The following PPP1R18 variants were observed in gnomAD, a reference collection of about 807,000 sequenced individuals.
PPP1R18 encodes protein phosphatase 1 regulatory subunit 18, also known as phostensin.
PPP1R18 carries 31 observed loss-of-function variants against 54.8 expected under a neutral mutation model. The observed-to-expected ratio is 0.57, with a 90% CI of 0.43 to 0.76. The LOEUF (loss-of-function observed/expected upper bound fraction) is 0.76. PPP1R18 is among the 30% of genes least tolerant of loss of function. The probability of loss-of-function intolerance (pLI) is 0.00; values close to 1 mark genes in which losing one functional copy is unlikely to be tolerated. For missense variants in PPP1R18, 685 were observed against 776.1 expected (o/e 0.88, Z 1.39); for synonymous variants, 310 against 320.2 (o/e 0.97, Z 0.34).
In PPP1R18 at chr6:30,686,506, G is replaced by C. The variant is rs1460765111; in HGVS notation, c.-488C>G. On this transcript the variant is annotated 5_prime_UTR_variant, in exon 1 of 3. Transcript: ENST00000274853. The stretch of plus-strand genomic sequence containing the variant: ...TGGGAAGGAAGGACCAGGAATCCCT[G>C]AAAGGACCAGGAGGCAACGGGACCT... 1.2e-5 allele frequency: 2 copies of C among 161,980 alleles called. No individual in the cohort carries two copies. Among genetic ancestry groups the C allele is most frequent in the African/African-American group, 4.8e-5 (2 of 41,662 alleles). The allele number at this position is 161,980 out of a possible 1,614,324, so 10.0% of individuals were successfully genotyped here.
intron 2 of PPP1R18, 27 bp downstream of exon 2, chr6:30,679,152 C>T: frequency 1.3e-6 from 2 of 1,589,644 alleles, no homozygotes; most frequent in Non-Finnish European, 1.7e-6. Flanking sequence ...CAGGGGGCGC[C>T]CTCGGGCCGG....
intron 2 of PPP1R18, among the ~76,000 whole-genome samples, chr6:30,677,972 G>A (rs1164855164): frequency 3.3e-5 from 5 of 150,622 alleles, no homozygotes; most frequent in African/African-American, 7.3e-5. Context: ...GTGTAGTGGC[G>A]TCATCTCGGC....
At position 30,683,253 on chromosome 6, in the gene PPP1R18, G is replaced by C. The variant is rs1441490314; in HGVS notation, c.1611+1155C>G. On this transcript the variant is annotated intron_variant, in intron 1 of 2. Coordinates refer to ENST00000274853, the MANE Select transcript of PPP1R18 (RefSeq NM_133471.4). This position sits in a 1 kb window ranked among gnomAD's most constrained non-coding sequence, Gnocchi z 5.1. Reference sequence around the variant, plus strand: ...GGCTCTGGGGAGATGTGTGTGACTGGAGGGACTTCCTAAGTCTGAGATGTC... The same window carrying C: ...GGCTCTGGGGAGATGTGTGTGACTGCAGGGACTTCCTAAGTCTGAGATGTC... Among the ~76,000 whole-genome samples the C allele has an allele frequency of 6.6e-6, 1 of 152,224 alleles. No homozygotes were observed. Among genetic ancestry groups the C allele is most frequent in the African/African-American group, 2.4e-5 (1 of 41,460 alleles).
rs950784254 is a variant in PPP1R18, at chr6:30,676,904, C to T, written c.*365G>A. On this transcript the variant is annotated 3_prime_UTR_variant, in exon 3 of 3. Coordinates refer to ENST00000274853, the MANE Select transcript of PPP1R18 (RefSeq NM_133471.4). ...CCCAGAGAGACGAGTGCTTAAATCC[C>T]GAGAGTCCCCACGGGATGGTGGGGA... 4.3e-5 allele frequency: 17 copies of T among 395,702 alleles called. No individual in the cohort carries two copies. The highest frequency in any genetic ancestry group is 3.2e-4 in the East Asian group (5 of 15,448). 24.5% of individuals were successfully genotyped at this position (395,702 alleles called of 1,614,324 possible). A position where few individuals can be genotyped will look rare whatever the true frequency, so the allele number is the denominator to read the frequency against.
chr6:30,680,351 G>A (rs895717545), intron 1 of PPP1R18, among the ~76,000 whole-genome samples: 6 of 152,288 alleles, frequency 3.9e-5, no homozygotes, highest in African/African-American at 1.4e-4. Flanking sequence ...AGGGATTAGG[G>A]AGACAGCAGG....
chr6:30,685,006 G>T lies in PPP1R18; in HGVS notation c.1013C>A (p.Ser338Tyr), dbSNP rs1192979954. ...GGGTGTCCATTCTCGAGCCTTCCCG[G>T]AGTTCAGGGTCCATTTCCACCCTTC... ...PTEGWKWTLN[S>Y]GKAREWTPRD... Residue 338 changes from serine to tyrosine, a missense_variant, in exon 1 of 3, where the codon TCC becomes TAC. Physicochemically the swap from Ser to Tyr is moderately radical, Grantham distance 144. Transcript: ENST00000274853. The surrounding 1 kb of genome is among the most constrained non-coding windows in gnomAD (Gnocchi z 5.0). 1 of 1,613,052 alleles carries T rather than the reference G, an allele frequency of 6.2e-7. No individual in the cohort carries two copies. Among genetic ancestry groups the T allele is most frequent in the Non-Finnish European group, 8.5e-7 (1 of 1,179,988 alleles).
At chr6:30,678,188 G>T (rs1045827433) in intron 2 of PPP1R18, among the ~76,000 whole-genome samples, 3 of 151,738 alleles carry the variant, frequency 2.0e-5, no homozygotes, top group Non-Finnish European at 4.4e-5. Context: ...TGAGATTACA[G>T]GCGTGAGCCA....
At position 30,676,914 on chromosome 6, in the gene PPP1R18, C is replaced by T; in HGVS notation, c.*355G>A. On this transcript the variant is annotated 3_prime_UTR_variant, in exon 3 of 3. Coordinates refer to ENST00000274853, the MANE Select transcript of PPP1R18 (RefSeq NM_133471.4). ...CGAGTGCTTAAATCCCGAGAGTCCC[C>T]ACGGGATGGTGGGGAGGAAGGCTGT... is the stretch of plus-strand genomic sequence containing the variant. 2 of 424,192 alleles carry T rather than the reference C, an allele frequency of 4.7e-6. No individual in the cohort carries two copies. Among genetic ancestry groups the T allele is most frequent in the Non-Finnish European group, 4.2e-6 (1 of 236,550 alleles). 26.3% of individuals were successfully genotyped at this position (424,192 alleles called of 1,614,324 possible).
intron 1 of PPP1R18, among the ~76,000 whole-genome samples, chr6:30,680,685 A>G (rs1770495532): frequency 1.3e-5 from 2 of 152,018 alleles, no homozygotes; most frequent in South Asian, 4.2e-4. Context: ...AAAGAAAACC[A>G]GATATGACAC....
rs1322560574 is a variant in PPP1R18, at chr6:30,685,898, G to T, written c.121C>A (p.Arg41=). 6.2e-7 allele frequency: 1 copy of T among 1,610,550 alleles called. No homozygotes were observed. Among genetic ancestry groups the T allele is most frequent in the South Asian group, 1.1e-5 (1 of 91,088 alleles). ...GCCCGGCGGCGCTCCAGGAGCCCTC[G>T]TTTCCAGGCTGGCATCTGGGACAGG... ...ERLSQMPAWK[R]GLLERRRAKL... The change falls in exon 1 of 3, where the codon CGA becomes AGA. Residue 41 remains arginine (R), a synonymous_variant. Coordinates refer to ENST00000274853, the MANE Select transcript of PPP1R18 (RefSeq NM_133471.4). The surrounding 1 kb of genome is among the most constrained non-coding windows in gnomAD (Gnocchi z 5.0).
At chr6:30,681,884 T>C (rs926059398) in intron 1 of PPP1R18, among the ~76,000 whole-genome samples, 6 of 152,314 alleles carry the variant, frequency 3.9e-5, no homozygotes, top group African/African-American at 1.2e-4. Flanking sequence ...GGAAACGATC[T>C]GCGGGTGGTC....
chr6:30,682,350 C>A (rs1770594634), intron 1 of PPP1R18, among the ~76,000 whole-genome samples: 1 of 152,186 alleles, frequency 6.6e-6, no homozygotes, highest in Non-Finnish European at 1.5e-5. Flanking sequence ...CCACAGCCAT[C>A]CCCTGGGCTC....
At position 30,685,344 on chromosome 6, in the gene PPP1R18, T is replaced by G. The variant is rs41273009; in HGVS notation, c.675A>C (p.Pro225=). The change falls in exon 1 of 3, where the codon CCA becomes CCC. Residue 225 remains proline, a synonymous_variant. Coordinates refer to ENST00000274853, the MANE Select transcript of PPP1R18 (RefSeq NM_133471.4). This position sits in a 1 kb window ranked among gnomAD's most constrained non-coding sequence, Gnocchi z 5.0. ...CCAACTTCTGGTAGGCAGATTCCCCTGGGCTCAGTCTACTTTCCACCTCTT... is the reference window on the plus strand; with the variant it reads ...CCAACTTCTGGTAGGCAGATTCCCCGGGGCTCAGTCTACTTTCCACCTCTT... ...RRKEVESRLS[P]GESAYQKLGL... 26 of 1,613,096 alleles carry G rather than the reference T, an allele frequency of 1.6e-5. No individual in the cohort carries two copies. Among genetic ancestry groups the G allele is most frequent in the Non-Finnish European group, 2.2e-5 (26 of 1,180,032 alleles).
intron 2 of PPP1R18, 114 bp downstream of exon 2, chr6:30,679,065 G>C (rs1206964818): frequency 3.3e-5 from 25 of 751,086 alleles, no homozygotes; most frequent in Non-Finnish European, 4.4e-5. Context: ...TGAACCAGAG[G>C]ACCCGCCAAG....
At chr6:30,679,062 G>T in intron 2 of PPP1R18, 117 bp downstream of exon 2, 1 of 735,086 alleles carries the variant, frequency 1.4e-6, no homozygotes, top group East Asian at 2.9e-5. Context: ...TGTTGAACCA[G>T]AGGACCCGCC....
rs756678050 is a variant in PPP1R18 at position 30,684,465 on chromosome 6, G to A, written c.1554C>T (p.Tyr518=). Residue 518 remains tyrosine, a synonymous_variant, in exon 1 of 3, where the codon TAC becomes TAT. Coordinates refer to ENST00000274853, the MANE Select transcript of PPP1R18 (RefSeq NM_133471.4). This position sits in a 1 kb window ranked among gnomAD's most constrained non-coding sequence, Gnocchi z 6.0. The part of the protein sequence containing the change: ...TAEEILVLGG[Y]LRLSRSCLAK... ...CAAGGCAGCTGCGGCTGAGACGGAG[G>A]TAGCCCCCCAGAACCAAGATCTCCT... 3 of 1,607,294 alleles carry A rather than the reference G, an allele frequency of 1.9e-6. No homozygotes were observed. Among genetic ancestry groups the A allele is most frequent in the East Asian group, 4.5e-5 (2 of 44,734 alleles).
At position 30,685,391 on chromosome 6, in the gene PPP1R18, G is replaced by A; in HGVS notation, c.628C>T (p.Arg210Ter). ...PERSLRLAESREQSPRRKEVE... is the reference protein window; with the variant it reads ...PERSLRLAES ...TCTTTTCTCCTGGGGCTTTGCTCTC[G>A]AGACTCTGCTAGTCTCAGACTCCGC... Residue 210 changes from arginine to a stop codon, truncating the protein, a stop_gained, in exon 1 of 3, where the codon CGA becomes TGA. Coordinates refer to ENST00000274853, the MANE Select transcript of PPP1R18 (RefSeq NM_133471.4). LOFTEE classifies it high-confidence loss of function. The surrounding 1 kb of genome is among the most constrained non-coding windows in gnomAD (Gnocchi z 5.0). The A allele has an allele frequency of 1.2e-6, 2 of 1,612,944 alleles. No individual in the cohort carries two copies. Among genetic ancestry groups the A allele is most frequent in the Non-Finnish European group, 1.7e-6 (2 of 1,180,012 alleles).
In PPP1R18 at chr6:30,684,724, G is replaced by C. The variant is rs1184763423; in HGVS notation, c.1295C>G (p.Ser432Cys). The C allele has an allele frequency of 2.6e-6, 4 of 1,522,184 alleles. No individual in the cohort carries two copies. The highest frequency in any genetic ancestry group is 3.5e-6 in the Non-Finnish European group (4 of 1,131,032). 94.3% of individuals were successfully genotyped at this position (1,522,184 alleles called of 1,614,324 possible). A position where few individuals can be genotyped will look rare whatever the true frequency, so the allele number is the denominator to read the frequency against. Residue 432 changes from serine (S) to cysteine (C), a missense_variant, in exon 1 of 3, where the codon TCT (serine) becomes TGT (cysteine). Ser to Cys is a moderately radical substitution (Grantham distance 112). Coordinates refer to ENST00000274853, the MANE Select transcript of PPP1R18 (RefSeq NM_133471.4). The surrounding 1 kb of genome is among the most constrained non-coding windows in gnomAD (Gnocchi z 6.0). ...ELQPPPPAPL[S>C]PPPPAPTAPQ... Reference sequence around the variant, plus strand: ...GGCAGTTGGGGCTGGGGGTGGGGGAGACAGAGGGGCTGGTGGTGGGGGCTG... The same window carrying C: ...GGCAGTTGGGGCTGGGGGTGGGGGACACAGAGGGGCTGGTGGTGGGGGCTG...
chr6:30,681,001 C>T (rs1028810706), intron 1 of PPP1R18, among the ~76,000 whole-genome samples: 1 of 150,878 alleles, frequency 6.6e-6, no homozygotes, highest in African/African-American at 2.4e-5. Context: ...AGGAGAATTG[C>T]TTGAACCCGG....
Sources: allele counts gnomAD v4.1 joint callset (sites outside exome capture counted in the v4.1 genomes callset), GRCh38; gene constraint gnomAD v4.1.1; non-coding constraint Gnocchi (gnomAD v3.1); transcripts MANE v1.5; gene names NCBI Gene and HGNC (gene_info 2026-07-23, HGNC 2026-07-21).